Variants in IQCK observed in about 807,000 individuals in gnomAD.
The protein encoded by IQCK is IQ motif containing K.
A neutral mutation model predicts 28.1 loss-of-function variants in IQCK; 29 were observed. That is an observed-to-expected ratio of 1.03 (90% CI 0.77 to 1.41). IQCK has a LOEUF of 1.41. IQCK is among the 40% of genes most tolerant of loss of function. The pLI, the probability that IQCK is intolerant of heterozygous loss-of-function variation, is 0.00. For synonymous variants in IQCK, 113 were observed against 115.1 expected, an observed-to-expected ratio of 0.98 and a Z score of 0.12; for missense variants, 359 against 314.7, an observed-to-expected ratio of 1.14 and a Z score of -1.07.
At chr16:19,856,505 A>G (rs2056564772) in exon 10 of IQCK, 1 of 1,613,846 alleles carries the variant, frequency 6.2e-7, no homozygotes, top group Non-Finnish European at 8.5e-7. Context: ...AAAATGGAGG[A>G]CGATGCAGTA....
exon 10 of IQCK, chr16:19,857,575 C>G (rs1385269699): frequency 5.5e-6 from 2 of 361,354 alleles, no homozygotes; most frequent in Non-Finnish European, 1.0e-5. Context: ...ATAAAAAGCA[C>G]CTGCTGAGAA....
intron 1 of IQCK, among the ~76,000 whole-genome samples, chr16:19,723,273 T>C (rs915520590): frequency 7.2e-5 from 11 of 152,184 alleles, no homozygotes; most frequent in Non-Finnish European, 1.2e-4. Context: ...AATCGCATCA[T>C]GCTGTGACCT....
intron 9 of IQCK, among the ~76,000 whole-genome samples, chr16:19,848,375 C>T (rs1403710028): frequency 1.3e-5 from 2 of 152,188 alleles, no homozygotes; most frequent in Non-Finnish European, 2.9e-5. Flanking sequence ...AGCACCCATG[C>T]TCTGAGTTTG....
At chr16:19,779,696 T>G (rs886530258) in intron 6 of IQCK, among the ~76,000 whole-genome samples, 7 of 151,528 alleles carry the variant, frequency 4.6e-5, no homozygotes, top group African/African-American at 1.7e-4. Context: ...TTTTTAATTT[T>G]TACTTATTTA....
At position 19,761,591 on chromosome 16, in the gene IQCK, G is replaced by A. The variant is rs533982342; in HGVS notation, c.475-2257G>A. 2.0e-4 allele frequency: 56 copies of A among 274,388 alleles called. No individual in the cohort carries two copies. The Admixed American group carries it at 2.2e-3, about 11-fold the overall frequency. The allele number at this position is 274,388 out of a possible 1,614,324, so 17.0% of individuals were successfully genotyped here. On this transcript the variant is annotated intron_variant, in intron 4 of 7. Coordinates refer to ENST00000564186, the Ensembl canonical transcript of IQCK. ...AAAGAAGACAGAGATTTTATCACCC[G>A]ATTTCCATAACAATTCTCTAAAAGA... is the stretch of plus-strand genomic sequence containing the variant.
At chr16:19,856,577 C>T (rs1314530935) in exon 10 of IQCK, 5 of 1,590,430 alleles carry the variant, frequency 3.1e-6, no homozygotes, top group African/African-American at 2.7e-5. Context: ...TTTGCCCATT[C>T]GAGCACAAGT....
rs76962765 is a variant in IQCK, at chr16:19,805,924, G to T, written c.690+17002G>T. Among the ~76,000 whole-genome samples the T allele has an allele frequency of 1.1e-3, 161 of 152,186 alleles. 3 individuals carry two copies. The East Asian group carries it at 0.028, about 26-fold the overall frequency. On this transcript the variant is annotated intron_variant, in intron 7 of 7. Transcript: ENST00000564186. ...TGGTTGGGGATGAACTCATAGGGGT[G>T]TGGAAAGCAGTCCTCATGTGCTGAG...
intron 4 of IQCK, among the ~76,000 whole-genome samples, chr16:19,741,225 G>A (rs1026337583): frequency 6.6e-6 from 1 of 152,030 alleles, no homozygotes; most frequent in African/African-American, 2.4e-5. Context: ...AGGAGAAATG[G>A]CTACAGTGGA....
In IQCK at chr16:19,764,022, G is replaced by A; in HGVS notation, c.528-13G>A. 3 of 1,613,264 alleles carry A rather than the reference G, an allele frequency of 1.9e-6. No individual in the cohort carries two copies. The highest frequency in any genetic ancestry group is 1.3e-5 in the African/African-American group (1 of 75,014). On this transcript the variant is annotated splice_polypyrimidine_tract_variant and intron_variant, in intron 5 of 7. Transcript: ENST00000564186. ...TGTTTTCTTGTCAATCAAACATATG[G>A]CATCATGACCAGCCAAAATCCAAAG... is the stretch of plus-strand genomic sequence containing the variant.
downstream of IQCK, among the ~76,000 whole-genome samples, chr16:19,829,557 G>A (rs892635740): frequency 4.6e-5 from 7 of 151,972 alleles, no homozygotes; most frequent in Non-Finnish European, 8.8e-5. Context: ...GGCTGGTCCT[G>A]ACCTCCTGAC....
chr16:19,726,825 T>G (rs149722212), intron 1 of IQCK, among the ~76,000 whole-genome samples: 2 of 152,140 alleles, frequency 1.3e-5, no homozygotes, highest in Non-Finnish European at 2.9e-5. Context: ...ACCAAACATA[T>G]AGCCTATTAG....
At chr16:19,803,820 T>A (rs1001832026) in intron 7 of IQCK, among the ~76,000 whole-genome samples, 17 of 151,900 alleles carry the variant, frequency 1.1e-4, no homozygotes, top group African/African-American at 3.9e-4. Flanking sequence ...AAACAGCTAA[T>A]TTTTTTTGTA....
chr16:19,793,643 G>GTTTTTTTTTTTTTTTT (rs1285541664), intron 7 of IQCK, among the ~76,000 whole-genome samples: 2 of 61,808 alleles, frequency 3.2e-5, no homozygotes, highest in African/African-American at 7.8e-5. Context: ...TCTCAGTTGG[G>GTTTTTTTTTTTTTTTT]TTTTTTTTTT....
At chr16:19,727,114 G>A (rs1184837439) in intron 1 of IQCK, among the ~76,000 whole-genome samples, 2 of 148,334 alleles carry the variant, frequency 1.3e-5, no homozygotes, top group Non-Finnish European at 3.0e-5. Flanking sequence ...CTGGGCGACG[G>A]AGCAAGACTC....
chr16:19,746,997 G>A (rs2054920945), intron 4 of IQCK, among the ~76,000 whole-genome samples: 1 of 152,170 alleles, frequency 6.6e-6, no homozygotes, highest in African/African-American at 2.4e-5. Flanking sequence ...TACAAGCATT[G>A]GTCAGGCATC....
intron 9 of IQCK, among the ~76,000 whole-genome samples, chr16:19,855,307 C>T (rs2056544765): frequency 2.0e-5 from 3 of 152,242 alleles, no homozygotes; most frequent in Admixed American, 2.0e-4. Context: ...AAAATAACCA[C>T]AGGGCCAGGC....
intron 6 of IQCK, among the ~76,000 whole-genome samples, chr16:19,783,915 G>T (rs773992121): frequency 2.6e-4 from 40 of 152,294 alleles, no homozygotes; most frequent in Middle Eastern, 3.4e-3. Context: ...GGGCTCACCC[G>T]TTGTGTTCTG....
chr16:19,751,162 G>T (rs1202516326), intron 4 of IQCK, among the ~76,000 whole-genome samples: 1 of 152,074 alleles, frequency 6.6e-6, no homozygotes, highest in Admixed American at 6.6e-5. Flanking sequence ...AATGAGATGG[G>T]GTGTGTCAGG....
chr16:19,729,071 A>T (rs28499358), intron 1 of IQCK, among the ~76,000 whole-genome samples: 2,826 of 152,252 alleles, frequency 0.019, 73 homozygotes, highest in African/African-American at 0.064. Flanking sequence ...ACTGGCCATG[A>T]GCATTTTCTG....
Sources: allele counts gnomAD v4.1 joint callset (sites outside exome capture counted in the v4.1 genomes callset), GRCh38; gene constraint gnomAD v4.1.1; transcripts MANE v1.5; gene names NCBI Gene and HGNC (gene_info 2026-07-23, HGNC 2026-07-21).